EDIL3: variants seen among roughly 807,000 people sequenced by gnomAD.
EDIL3 encodes the protein EGF-like repeat and discoidin I-like domain-containing protein 3.
A neutral mutation model predicts 67.4 loss-of-function variants in EDIL3; 37 were observed. The observed-to-expected ratio is 0.55, with a 90% CI of 0.42 to 0.72. EDIL3 has a LOEUF of 0.72. Among genes scored for constraint, EDIL3 ranks in the 30% least tolerant of loss-of-function variants. The pLI is 0.00. For synonymous variants in EDIL3, 195 were observed against 196.3 expected, an observed-to-expected ratio of 0.99 and a Z score of 0.05; for missense variants, 527 against 586.3, an observed-to-expected ratio of 0.90 and a Z score of 1.04.
At chr5:84,140,272 T>C (rs1457412790) in intron 4 of EDIL3, among the ~76,000 whole-genome samples, 1 of 152,164 alleles carries the variant, frequency 6.6e-6, no homozygotes, top group African/African-American at 2.4e-5. Flanking sequence ...AAATATATCA[T>C]GAGTAAAATC....
intron 7 of EDIL3, among the ~76,000 whole-genome samples, 159 bp downstream of exon 7, chr5:84,066,292 A>C (rs746600021): frequency 6.6e-6 from 1 of 152,162 alleles, no homozygotes; most frequent in African/African-American, 2.4e-5. Flanking sequence ...AAACTGGAGA[A>C]TTACTACTTC....
chr5:84,345,793 T>A (rs1208741999), intron 1 of EDIL3, among the ~76,000 whole-genome samples: 1 of 152,144 alleles, frequency 6.6e-6, no homozygotes, highest in African/African-American at 2.4e-5. Flanking sequence ...GAAAACGTAG[T>A]CAAAGGCAAG....
At position 84,066,221 on chromosome 5, in the gene EDIL3, A is replaced by G. The variant is rs141501811; in HGVS notation, c.807+230T>C. ...AGACTGTGTCCACCTGTGTCAAAGT[A>G]TTTGTAGCACCACCAATTAAAATCT... On this transcript the variant is annotated intron_variant, in intron 7 of 10. Transcript: ENST00000296591. 5.8e-3 allele frequency among the ~76,000 whole-genome samples: 879 copies of G among 152,224 alleles called. 12 individuals carry two copies. The highest frequency in any genetic ancestry group is 0.02 in the African/African-American group (846 of 41,542).
Position 83,963,294 on chromosome 5 carries a change from C to T in EDIL3, c.1204G>A (p.Val402Ile), listed in dbSNP as rs973864529. ...ITQGAKDFGH[V>I]QFVGSYKLAY... ...AGTTTGTAGGAGCCAACAAACTGTA[C>T]ATGACCAAAATCTTTAGCTCCTTGT... Residue 402 changes from valine to isoleucine, a missense_variant, in exon 10 of 11, where the codon GTA (valine) becomes ATA (isoleucine). Physicochemically the swap from Val to Ile is conservative, Grantham distance 29. Coordinates refer to ENST00000296591, the MANE Select transcript of EDIL3 (RefSeq NM_005711.5). The T allele has an allele frequency of 1.9e-6, 3 of 1,610,278 alleles. No homozygotes were observed. The highest frequency in any genetic ancestry group is 2.2e-5 in the East Asian group (1 of 44,606).
intron 6 of EDIL3, among the ~76,000 whole-genome samples, chr5:84,102,319 CA>C (rs1410709748): frequency 6.6e-6 from 1 of 151,924 alleles, no homozygotes; most frequent in Non-Finnish European, 1.5e-5. Flanking sequence ...CTGGCCAGGG[CA>C]ATCAGGCAAG....
At chr5:84,029,552 AT>A (rs1745880009) in intron 9 of EDIL3, among the ~76,000 whole-genome samples, 1 of 152,224 alleles carries the variant, frequency 6.6e-6, no homozygotes, top group South Asian at 2.1e-4. Flanking sequence ...AATAATAGAA[AT>A]AAAAGCATAA....
At chr5:84,323,836 C>A (rs1334414439) in intron 1 of EDIL3, among the ~76,000 whole-genome samples, 1 of 151,768 alleles carries the variant, frequency 6.6e-6, no homozygotes, top group Non-Finnish European at 1.5e-5. Flanking sequence ...CATTAGATAT[C>A]AATAAGTTTT....
intron 9 of EDIL3, among the ~76,000 whole-genome samples, chr5:83,969,884 A>G (rs1744761035): frequency 6.6e-6 from 1 of 151,824 alleles, no homozygotes; most frequent in African/African-American, 2.4e-5. Context: ...TCAAACATTT[A>G]TTATTTCTTT....
intron 3 of EDIL3, among the ~76,000 whole-genome samples, chr5:84,213,075 T>C (rs2112391412): frequency 6.6e-6 from 1 of 152,172 alleles, no homozygotes; most frequent in Non-Finnish European, 1.5e-5. Context: ...CTAACAGCTC[T>C]ATAAATTCTC....
chr5:84,377,747 A>G (rs936596522), intron 1 of EDIL3, among the ~76,000 whole-genome samples: 8 of 152,222 alleles, frequency 5.3e-5, no homozygotes, highest in African/African-American at 1.9e-4. Context: ...ATATCATATT[A>G]AATTATTTTA....
intron 6 of EDIL3, among the ~76,000 whole-genome samples, chr5:84,073,548 C>A (rs1361767821): frequency 2.6e-5 from 4 of 152,074 alleles, no homozygotes; most frequent in Admixed American, 6.5e-5. Flanking sequence ...TCTTAAACAC[C>A]AACAACAGAC....
intron 9 of EDIL3, among the ~76,000 whole-genome samples, chr5:84,001,255 G>A (rs1319039804): frequency 2.6e-5 from 4 of 151,968 alleles, no homozygotes; most frequent in Admixed American, 1.3e-4. Context: ...CACCATGTAG[G>A]CCCAGCTGGT....
intron 9 of EDIL3, among the ~76,000 whole-genome samples, chr5:84,015,261 G>A (rs73151641): frequency 0.011 from 1,717 of 152,224 alleles, 36 homozygotes; most frequent in African/African-American, 0.039. Flanking sequence ...TAACACAATG[G>A]TACCTTAGAA....
At chr5:84,366,651 T>A (rs1747742564) in intron 1 of EDIL3, among the ~76,000 whole-genome samples, 1 of 152,144 alleles carries the variant, frequency 6.6e-6, no homozygotes, top group South Asian at 2.1e-4. Context: ...TCAGAAATGA[T>A]AAATTATCAA....
chr5:84,052,377 AATG>A (rs1746357096), intron 9 of EDIL3, among the ~76,000 whole-genome samples: 1 of 152,136 alleles, frequency 6.6e-6, no homozygotes, highest in African/African-American at 2.4e-5. Context: ...AAAGACCATC[AATG>A]CTAGGAAGAA....
In EDIL3 at chr5:84,004,906, C is replaced by T. The variant is rs367739177; in HGVS notation, c.1138-41546G>A. 2.0e-5 allele frequency among the ~76,000 whole-genome samples: 3 copies of T among 151,646 alleles called. No individual in the cohort carries two copies. In the South Asian group the frequency reaches 6.2e-4, roughly 31 times the overall value. The stretch of plus-strand genomic sequence containing the variant: ...GACTAATAAATTCAAAAGTTTGTTG[C>T]TTAAAATAATAAATAAGATTGATAA... On this transcript the variant is annotated intron_variant, in intron 9 of 10. Transcript: ENST00000296591.
chr5:84,289,703 A>G (rs1274771117), intron 1 of EDIL3, among the ~76,000 whole-genome samples: 1 of 152,146 alleles, frequency 6.6e-6, no homozygotes, highest in Admixed American at 6.6e-5. Context: ...CCTTATTGAT[A>G]GCATTCATTC....
intron 3 of EDIL3, among the ~76,000 whole-genome samples, chr5:84,225,688 A>T (rs1457188718): frequency 2.6e-5 from 4 of 151,576 alleles, no homozygotes; most frequent in African/African-American, 9.7e-5. Flanking sequence ...TATTTACTTT[A>T]AAAATAGTTC....
intron 2 of EDIL3, among the ~76,000 whole-genome samples, chr5:84,232,300 A>C (rs1744596422): frequency 6.6e-6 from 1 of 152,168 alleles, no homozygotes; most frequent in Non-Finnish European, 1.5e-5. Context: ...CAAGAAATGG[A>C]GTTCTTTGGA....
Sources: gnomAD v4.1 joint callset for allele counts (sites outside exome capture counted in the v4.1 genomes callset) on GRCh38, gnomAD v4.1.1 for gene constraint, MANE v1.5 for transcripts, NCBI Gene and HGNC (gene_info 2026-07-23, HGNC 2026-07-21) for gene names.